MAN2A1: variants seen among roughly 807,000 people sequenced by gnomAD.
The protein encoded by MAN2A1 is alpha-mannosidase 2.
MAN2A1 carries 76 observed loss-of-function variants against 142.6 expected under a neutral mutation model. The ratio of observed to expected loss-of-function variants is 0.53; its 90% CI spans 0.44 to 0.65. The LOEUF (loss-of-function observed/expected upper bound fraction) is 0.65. MAN2A1 is among the 30% of genes least tolerant of loss of function. The pLI is 0.00. For synonymous variants in MAN2A1, 559 were observed against 473.2 expected, an observed-to-expected ratio of 1.18 and a Z score of -2.35; for missense variants, 1,311 against 1,365.1, an observed-to-expected ratio of 0.96 and a Z score of 0.62.
rs147296762 is a variant in MAN2A1 at position 109,713,563 on chromosome 5, G to A, written c.179G>A (p.Arg60His). ...CAAGAAAAAATAGACCATTTGGAGC[G>A]TTTGCTAGCTGAGAATAATGAGATC... ...MLQEKIDHLERLLAENNEIIS... is the reference protein window; with the variant it reads ...MLQEKIDHLEHLLAENNEIIS... Residue 60 changes from arginine to histidine, a missense_variant, in exon 2 of 22, where the codon CGT becomes CAT. This residue lies in a region of MAN2A1 where 409 missense variants were observed against 412.7 expected (regional missense o/e 0.99). Coordinates refer to ENST00000261483, the MANE Select transcript of MAN2A1 (RefSeq NM_002372.4). 104 of 1,613,210 alleles carry A rather than the reference G, an allele frequency of 6.4e-5. No individual in the cohort carries two copies. Among genetic ancestry groups the A allele is most frequent in the Middle Eastern group, 4.9e-4 (3 of 6,084 alleles).
intron 4 of MAN2A1, among the ~76,000 whole-genome samples, chr5:109,739,450 A>T (rs1350353996): frequency 6.6e-6 from 1 of 151,830 alleles, no homozygotes; most frequent in Non-Finnish European, 1.5e-5. Context: ...ATGCATTTTT[A>T]ATTTGTTGTA....
chr5:109,804,279 T>G, intron 12 of MAN2A1: 1 of 987,434 alleles, frequency 1.0e-6, no homozygotes, highest in Non-Finnish European at 1.2e-6. Flanking sequence ...AACTTTGTGG[T>G]AAAAGAAACA....
chr5:109,789,418 G>T (rs1286833617), intron 11 of MAN2A1, 42 bp from the exon 12 acceptor site: 3 of 1,150,944 alleles, frequency 2.6e-6, no homozygotes, highest in Non-Finnish European at 2.5e-6. Context: ...TGAGTCCATG[G>T]AGTGTTAAGT....
At chr5:109,720,440 C>T (rs1162176038) in intron 3 of MAN2A1, among the ~76,000 whole-genome samples, 1 of 151,824 alleles carries the variant, frequency 6.6e-6, no homozygotes. Flanking sequence ...AATTATGTAT[C>T]CTCTAAAAAA....
intron 4 of MAN2A1, among the ~76,000 whole-genome samples, chr5:109,753,065 A>G (rs867875950): frequency 1.3e-5 from 2 of 152,204 alleles, no homozygotes; most frequent in East Asian, 3.8e-4. Flanking sequence ...TTCTCTATTC[A>G]ACATCAGCGA....
chr5:109,690,186 C>G lies in MAN2A1; in HGVS notation c.-232C>G, dbSNP rs1308114128. 3 of 504,774 alleles carry G rather than the reference C, an allele frequency of 5.9e-6. No homozygotes were observed. The highest frequency in any genetic ancestry group is 1.1e-5 in the Non-Finnish European group (3 of 279,498). The allele number at this position is 504,774 out of a possible 1,614,324, so 31.3% of individuals were successfully genotyped here. A position where few individuals can be genotyped will look rare whatever the true frequency, so the allele number is the denominator to read the frequency against. On this transcript the variant is annotated 5_prime_UTR_variant, in exon 1 of 22. Transcript: ENST00000261483. ...TCCCAGTTGCCGGCGAGTCTCGCCT[C>G]GAGAGGGGCGCCCGACCCCGGGGAG...
chr5:109,747,203 A>T (rs1561491247), intron 4 of MAN2A1, among the ~76,000 whole-genome samples: 1 of 151,440 alleles, frequency 6.6e-6, no homozygotes, highest in South Asian at 2.1e-4. Flanking sequence ...TCTATGTTTA[A>T]TTTTTTTTTA....
chr5:109,820,481 T>C, intron 15 of MAN2A1, 139 bp downstream of exon 15: 1 of 834,864 alleles, frequency 1.2e-6, no homozygotes, highest in Non-Finnish European at 1.8e-6. Flanking sequence ...GTATTATCTA[T>C]CACCTTATTG....
At chr5:109,700,427 GCAGTTCCCTTCTGTTTCTTCATAC>G (rs1750945520) in intron 1 of MAN2A1, among the ~76,000 whole-genome samples, 1 of 152,102 alleles carries the variant, frequency 6.6e-6, no homozygotes, top group Admixed American at 6.5e-5. Context: ...GTACTTTGCA[GCAGTTCCCTTCTGTTTCTTCATAC>G]CACAGATGTA....
intron 12 of MAN2A1, among the ~76,000 whole-genome samples, chr5:109,810,991 A>ATT: frequency 6.9e-6 from 1 of 145,736 alleles, no homozygotes; most frequent in South Asian, 2.1e-4. Context: ...AAGTTTTACT[A>ATT]TTTTTTTTTT....
At chr5:109,847,004 CA>C (rs1755360117) in intron 18 of MAN2A1, among the ~76,000 whole-genome samples, 1 of 151,764 alleles carries the variant, frequency 6.6e-6, no homozygotes, top group African/African-American at 2.4e-5. Context: ...TTGCTAAATT[CA>C]ATTTTTTTTT....
chr5:109,706,738 A>G (rs1484634710), intron 1 of MAN2A1, among the ~76,000 whole-genome samples: 1 of 152,094 alleles, frequency 6.6e-6, no homozygotes, highest in East Asian at 1.9e-4. Context: ...ATCTAACACA[A>G]TTAGATTTGA....
rs72001103 is a variant in MAN2A1 at position 109,737,093 on chromosome 5, T to TG, written c.707+7580_707+7581insG. On this transcript the variant is annotated intron_variant, in intron 4 of 21. Transcript: ENST00000261483. ...GCCATAGAATATGGACTGTATACTC[T>TG]TTTTTTTTTTTTTTTTTTGAGACTG... is the stretch of plus-strand genomic sequence containing the variant. Among the ~76,000 whole-genome samples the TG allele has an allele frequency of 1.9e-3, 31 of 16,090 alleles. No individual in the cohort carries two copies. The African/African-American group carries it at 0.03, about 15-fold the overall frequency. 10.6% of individuals were successfully genotyped at this position (16,090 alleles called of 152,430 possible).
rs191152747 is a variant in MAN2A1 at position 109,843,026 on chromosome 5, G to C, written c.2700+565G>C. ...TCACCATGTTGGCCAGGCTGGTCTCGAACTCTTGGACTCAAGTGATCTGCC... is the reference window on the plus strand; with the variant it reads ...TCACCATGTTGGCCAGGCTGGTCTCCAACTCTTGGACTCAAGTGATCTGCC... On this transcript the variant is annotated intron_variant, in intron 17 of 21. Transcript: ENST00000261483. Among the ~76,000 whole-genome samples the C allele has an allele frequency of 2.6e-5, 4 of 152,018 alleles. No homozygotes were observed. In the East Asian group the frequency reaches 5.8e-4, roughly 22 times the overall value.
intron 20 of MAN2A1, among the ~76,000 whole-genome samples, chr5:109,861,438 A>T (rs1755757138): frequency 6.6e-6 from 1 of 152,238 alleles, no homozygotes; most frequent in African/African-American, 2.4e-5. Context: ...TGCTATTAAA[A>T]GTAATGGCAA....
At chr5:109,847,448 AATACT>A (rs1158329243) in intron 18 of MAN2A1, among the ~76,000 whole-genome samples, 1 of 152,188 alleles carries the variant, frequency 6.6e-6, no homozygotes, top group African/African-American at 2.4e-5. Flanking sequence ...GAAACACAGA[AATACT>A]ATCCTGTTTT....
intron 16 of MAN2A1, among the ~76,000 whole-genome samples, chr5:109,841,522 G>A (rs11241039): frequency 0.17 from 25,854 of 152,062 alleles, 3,183 homozygotes; most frequent in East Asian, 0.64. Context: ...AAGTGTGTTG[G>A]ATTTCCTCTT....
intron 8 of MAN2A1, among the ~76,000 whole-genome samples, 186 bp downstream of exon 8, chr5:109,775,151 G>A (rs1211604829): frequency 1.3e-5 from 2 of 152,072 alleles, no homozygotes; most frequent in Non-Finnish European, 2.9e-5. Context: ...ATCTAAAGTT[G>A]TCCCGTTCCT....
rs191101097 is a variant in MAN2A1 at position 109,705,884 on chromosome 5, C to A, written c.136-7636C>A. Among the ~76,000 whole-genome samples, 4 of 152,332 alleles carry A rather than the reference C, an allele frequency of 2.6e-5. No individual in the cohort carries two copies. In the East Asian group the frequency reaches 7.7e-4, roughly 29 times the overall value. On this transcript the variant is annotated intron_variant, in intron 1 of 21. Transcript: ENST00000261483. ...ATTTCTTGTGTCCTCACATCTCCCT[C>A]TCTGGCCTGACTCTTCCATTTTCCT... is the stretch of plus-strand genomic sequence containing the variant.
Sources: allele counts gnomAD v4.1 joint callset (sites outside exome capture counted in the v4.1 genomes callset), GRCh38; gene constraint gnomAD v4.1.1; regional missense constraint gnomAD v4.1.1; transcripts MANE v1.5; gene names NCBI Gene and HGNC (gene_info 2026-07-23, HGNC 2026-07-21).